The following SLC22A3 variants were observed in gnomAD, a reference collection of about 807,000 sequenced individuals.
SLC22A3 encodes solute carrier family 22 member 3, also known as EMT organic cation transporter 3.
SLC22A3 carries 51 observed loss-of-function variants against 59.1 expected under a neutral mutation model. The observed-to-expected ratio is 0.86, with a 90% CI of 0.69 to 1.09. SLC22A3 has a LOEUF of 1.09. Ranked by LOEUF, SLC22A3 falls within the 50% of genes least tolerant of loss-of-function variation. The probability of loss-of-function intolerance (pLI) is 0.00; values close to 1 mark genes in which losing one functional copy is unlikely to be tolerated. For synonymous variants in SLC22A3, 325 were observed against 292.0 expected, an observed-to-expected ratio of 1.11 and a Z score of -1.15; for missense variants, 711 against 726.3, an observed-to-expected ratio of 0.98 and a Z score of 0.24.
Position 160,407,071 on chromosome 6 carries a change from C to T in SLC22A3, c.564C>T (p.Ser188=). ...GCAGGATCGTCATTTACTTGCTATC[C>T]TGCCTTGGTGTTGGCGTCACTGGGG... ...RYGRIVIYLL[S]CLGVGVTGVV... The change falls in exon 3 of 11, where the codon TCC becomes TCT. Residue 188 remains serine, a synonymous_variant. Transcript: ENST00000275300. The T allele has an allele frequency of 6.2e-7, 1 of 1,613,086 alleles. No individual in the cohort carries two copies. The highest frequency in any genetic ancestry group is 8.5e-7 in the Non-Finnish European group (1 of 1,179,494).
At position 160,442,868 on chromosome 6, in the gene SLC22A3, C is replaced by A; in HGVS notation, c.1396C>A (p.Arg466=). ...VNSELYPTTL[R]NFGVSLCSGL... Reference sequence around the variant, plus strand: ...TTCAGAATTGTACCCAACAACATTACGGTAATTCTAACAAACGTTATAGTT... The same window carrying A: ...TTCAGAATTGTACCCAACAACATTAAGGTAATTCTAACAAACGTTATAGTT... The change falls in exon 8 of 11, where the codon CGA becomes AGA. Residue 466 remains arginine, a splice_region_variant and synonymous_variant. Transcript: ENST00000275300. The A allele has an allele frequency of 6.2e-7, 1 of 1,602,340 alleles. No individual in the cohort carries two copies. Among genetic ancestry groups the A allele is most frequent in the Non-Finnish European group, 8.6e-7 (1 of 1,169,208 alleles).
chr6:160,375,925 T>A (rs572525607), intron 1 of SLC22A3, among the ~76,000 whole-genome samples: 12 of 152,276 alleles, frequency 7.9e-5, no homozygotes, highest in African/African-American at 2.9e-4. Flanking sequence ...TTTTAAACCC[T>A]CTAAGTCTTG....
At chr6:160,442,646 A>T (rs1788589674) in intron 7 of SLC22A3, 115 bp from the exon 8 acceptor site, 1 of 769,216 alleles carries the variant, frequency 1.3e-6, no homozygotes, top group African/African-American at 1.7e-5. Flanking sequence ...TTTGTGCTTA[A>T]AATTGGCAAA....
Position 160,437,114 on chromosome 6 carries a change from C to T in SLC22A3, c.1191C>T (p.Ile397=). The T allele has an allele frequency of 6.2e-7, 1 of 1,614,166 alleles. No individual in the cohort carries two copies. The highest frequency in any genetic ancestry group is 1.3e-5 in the African/African-American group (1 of 75,062). The change falls in exon 7 of 11, where the codon ATC becomes ATT. Residue 397 remains isoleucine (I), a synonymous_variant. Coordinates refer to ENST00000275300, the MANE Select transcript of SLC22A3 (RefSeq NM_021977.4). The part of the protein sequence containing the change: ...GVVELPGALL[I]LLTIERLGRR... The stretch of plus-strand genomic sequence containing the variant: ...TGGAACTGCCAGGAGCTCTCTTGAT[C>T]TTACTAACCATTGAGCGCCTTGGAC...
intron 1 of SLC22A3, among the ~76,000 whole-genome samples, chr6:160,383,444 C>T (rs1045286178): frequency 2.6e-5 from 4 of 152,142 alleles, no homozygotes; most frequent in African/African-American, 4.8e-5. Context: ...GGGCCCTTCC[C>T]GCTTTCCTCT....
At chr6:160,380,016 G>C (rs772412473) in intron 1 of SLC22A3, among the ~76,000 whole-genome samples, 7 of 152,118 alleles carry the variant, frequency 4.6e-5, no homozygotes, top group African/African-American at 1.4e-4. Flanking sequence ...GACAGATCCT[G>C]TGTCATATTT....
At chr6:160,443,950 T>C (rs1360033008) in intron 9 of SLC22A3, among the ~76,000 whole-genome samples, 1 of 152,236 alleles carries the variant, frequency 6.6e-6, no homozygotes, top group Non-Finnish European at 1.5e-5. Context: ...TGAATGGTTT[T>C]AATTTACTTT....
intron 5 of SLC22A3, among the ~76,000 whole-genome samples, chr6:160,416,087 G>A (rs1314770726): frequency 6.6e-6 from 1 of 152,160 alleles, no homozygotes; most frequent in Non-Finnish European, 1.5e-5. Flanking sequence ...CATTTCATGG[G>A]TAGGCAAACT....
At chr6:160,406,359 C>G (rs191491891) in intron 2 of SLC22A3, among the ~76,000 whole-genome samples, 1 of 152,134 alleles carries the variant, frequency 6.6e-6, no homozygotes, top group African/African-American at 2.4e-5. Flanking sequence ...AATTTGACAC[C>G]ACTATGCTGA....
At chr6:160,431,900 G>T (rs1788163185) in intron 5 of SLC22A3, among the ~76,000 whole-genome samples, 1 of 152,160 alleles carries the variant, frequency 6.6e-6, no homozygotes, top group South Asian at 2.1e-4. Context: ...TCTAGCAACA[G>T]CAGCATTCAG....
chr6:160,376,762 T>C (rs1259086849), intron 1 of SLC22A3, among the ~76,000 whole-genome samples: 1 of 152,184 alleles, frequency 6.6e-6, no homozygotes, highest in Non-Finnish European at 1.5e-5. Flanking sequence ...TAAAGCTGGG[T>C]CACCATGAAG....
chr6:160,407,525 AG>A (rs1787066067), intron 3 of SLC22A3, among the ~76,000 whole-genome samples: 1 of 152,094 alleles, frequency 6.6e-6, no homozygotes. Flanking sequence ...TAGCTTCTTG[AG>A]GCATTTTTGA....
Position 160,443,635 on chromosome 6 carries a change from T to C in SLC22A3, c.1403T>C (p.Phe468Ser), listed in dbSNP as rs376484755. ...AATTACTTTTCATTCAACAGAAATT[T>C]CGGAGTTTCGCTCTGTTCAGGTCTG... Reference protein sequence around the residue: ...SELYPTTLRNFGVSLCSGLCD... With the variant: ...SELYPTTLRNSGVSLCSGLCD... Residue 468 changes from phenylalanine (F) to serine (S), a missense_variant, in exon 9 of 11, where the codon TTC (phenylalanine) becomes TCC (serine). By Grantham distance (155) the Phe-to-Ser change is radical. Coordinates refer to ENST00000275300, the MANE Select transcript of SLC22A3 (RefSeq NM_021977.4). 18 of 1,611,204 alleles carry C rather than the reference T, an allele frequency of 1.1e-5. No homozygotes were observed. Among genetic ancestry groups the C allele is most frequent in the Admixed American group, 3.3e-5 (2 of 60,004 alleles).
intron 1 of SLC22A3, among the ~76,000 whole-genome samples, chr6:160,362,906 A>C (rs772980495): frequency 5.9e-5 from 9 of 152,186 alleles, no homozygotes; most frequent in Non-Finnish European, 7.3e-5. Context: ...AGGAGGGTGC[A>C]CGAGAACGTC....
At chr6:160,432,580 A>G (rs991603201) in intron 5 of SLC22A3, among the ~76,000 whole-genome samples, 4 of 151,840 alleles carry the variant, frequency 2.6e-5, no homozygotes, top group African/African-American at 9.7e-5. Context: ...GATGCCCACC[A>G]CCAAGCCCAG....
chr6:160,373,200 C>A (rs928150351), intron 1 of SLC22A3, among the ~76,000 whole-genome samples: 22 of 150,094 alleles, frequency 1.5e-4, no homozygotes, highest in African/African-American at 5.1e-4. Context: ...TGTAGATGTC[C>A]TTTTTGTTGA....
At chr6:160,409,015 C>CTTTTTTTTTTT (rs201294592) in intron 4 of SLC22A3, 94 bp downstream of exon 4, 1 of 560,642 alleles carries the variant, frequency 1.8e-6, no homozygotes, top group Non-Finnish European at 2.8e-6. Context: ...AGAAAATTTT[C>CTTTTTTTTTTT]TTTTTTTTTT....
At chr6:160,432,413 C>CA (rs1481024696) in intron 5 of SLC22A3, among the ~76,000 whole-genome samples, 5 of 149,066 alleles carry the variant, frequency 3.4e-5, no homozygotes, top group South Asian at 2.1e-4. Flanking sequence ...TTTTTTGTTA[C>CA]AAAAATAATG....
At chr6:160,376,285 T>C (rs1785587620) in intron 1 of SLC22A3, among the ~76,000 whole-genome samples, 1 of 150,130 alleles carries the variant, frequency 6.7e-6, no homozygotes, top group African/African-American at 2.5e-5. Flanking sequence ...AAGTGGGAGT[T>C]GAACAATGAG....
Sources: allele counts gnomAD v4.1 joint callset (sites outside exome capture counted in the v4.1 genomes callset), GRCh38; gene constraint gnomAD v4.1.1; transcripts MANE v1.5; gene names NCBI Gene and HGNC (gene_info 2026-07-23, HGNC 2026-07-21).